UNC13C: variants seen among roughly 807,000 people sequenced by gnomAD.
The protein encoded by UNC13C is protein unc-13 homolog C.
A neutral mutation model predicts 245.4 loss-of-function variants in UNC13C; 174 were observed. The observed-to-expected ratio is 0.71, with a 90% CI of 0.63 to 0.80. The LOEUF (loss-of-function observed/expected upper bound fraction) is 0.80, where lower values mean the gene tolerates loss of function less well. Ranked by LOEUF, UNC13C falls within the 30% of genes least tolerant of loss-of-function variation. The pLI, the probability that UNC13C is intolerant of heterozygous loss-of-function variation, is 0.00. For missense variants in UNC13C, 2,829 were observed against 2,602.9 expected, an observed-to-expected ratio of 1.09 and a Z score of -1.89; for synonymous variants, 992 against 895.1, an observed-to-expected ratio of 1.11 and a Z score of -1.93.
At chr15:54,610,510 CTT>C (rs1237123055) in intron 30 of UNC13C, among the ~76,000 whole-genome samples, 1 of 152,012 alleles carries the variant, frequency 6.6e-6, no homozygotes, top group African/African-American at 2.4e-5. Context: ...TCATATGTGT[CTT>C]TGTGTATTTG....
rs1425575027 is a variant in UNC13C at position 54,338,431 on chromosome 15, C to G, written c.4655C>G (p.Ser1552Cys). Reference protein sequence around the residue: ...VKDCVRACLDSTYKYIFDNCH... With the variant: ...VKDCVRACLDCTYKYIFDNCH... ...GACTGTGTAAGGGCTTGCCTGGATT[C>G]TACATACAAGTATATTTTTGACAAC... The change falls in exon 17 of 33, where the codon TCT (serine) becomes TGT (cysteine). Residue 1552 changes from serine to cysteine, a missense_variant. Ser to Cys is a moderately radical substitution (Grantham distance 112). Transcript: ENST00000260323. 1 of 1,613,746 alleles carries G rather than the reference C, an allele frequency of 6.2e-7. No individual in the cohort carries two copies. Among genetic ancestry groups the G allele is most frequent in the Non-Finnish European group, 8.5e-7 (1 of 1,179,814 alleles).
At position 54,014,706 on chromosome 15, in the gene UNC13C, C is replaced by A. The variant is rs775401915; in HGVS notation, c.1803C>A (p.Pro601=). ...GAACAGCGACCCTGTATGACAGTCC[C>A]AAGGACCAGCATTTGAATGGAGGTG... ...QEGTATLYDS[P]KDQHLNGGVQ... Residue 601 remains proline, a synonymous_variant, in exon 2 of 33, where the codon CCC becomes CCA. Coordinates refer to ENST00000260323, the MANE Select transcript of UNC13C (RefSeq NM_001080534.3). 29 of 1,613,670 alleles carry A rather than the reference C, an allele frequency of 1.8e-5. No individual in the cohort carries two copies. Among genetic ancestry groups the A allele is most frequent in the Non-Finnish European group, 2.5e-5 (29 of 1,179,848 alleles).
chr15:53,886,813 G>T, the UNC13C span, among the ~76,000 whole-genome samples: 8 of 152,206 alleles, frequency 5.3e-5, no homozygotes, highest in African/African-American at 1.9e-4. Context: ...TCATGAAATT[G>T]ACACTTTACC....
chr15:54,627,046 G>C lies in UNC13C; in HGVS notation c.6578G>C (p.Ser2193Thr). 1 of 1,613,274 alleles carries C rather than the reference G, an allele frequency of 6.2e-7. No individual in the cohort carries two copies. Among genetic ancestry groups the C allele is most frequent in the Non-Finnish European group, 8.5e-7 (1 of 1,179,506 alleles). The change falls in exon 33 of 33, where the codon AGT (serine) becomes ACT (threonine). Residue 2193 changes from serine (S) to threonine (T), a missense_variant. Transcript: ENST00000260323. The part of the protein sequence containing the change: ...TILRILSQRT[S>T]DDVAKEFVRL... ...CTTAGAATACTCTCTCAGAGGACCA[G>C]TGATGATGTGGCTAAAGAATTTGTA... is the stretch of plus-strand genomic sequence containing the variant.
intron 4 of UNC13C, among the ~76,000 whole-genome samples, chr15:54,180,650 C>T (rs1262022671): frequency 6.6e-6 from 1 of 152,048 alleles, no homozygotes; most frequent in Non-Finnish European, 1.5e-5. Context: ...TCTGCATCCT[C>T]ACCAGCATCT....
At chr15:54,451,216 GT>G (rs1891157146) in intron 19 of UNC13C, among the ~76,000 whole-genome samples, 1 of 152,030 alleles carries the variant, frequency 6.6e-6, no homozygotes, top group Non-Finnish European at 1.5e-5. Context: ...AATTACCTCA[GT>G]TTTTGCTTGT....
intron 30 of UNC13C, among the ~76,000 whole-genome samples, chr15:54,610,139 A>T (rs1900003973): frequency 6.6e-6 from 1 of 152,170 alleles, no homozygotes; most frequent in South Asian, 2.1e-4. Flanking sequence ...TATCTTATAT[A>T]CAAAAGAGTT....
At chr15:54,166,304 A>C (rs1897052) in intron 4 of UNC13C, among the ~76,000 whole-genome samples, 28,729 of 152,048 alleles carry the variant, frequency 0.19, 2,901 homozygotes, top group South Asian at 0.27. Context: ...AATTTATTTG[A>C]ATGTATGATA....
At chr15:54,190,068 G>C (rs1273706744) in intron 4 of UNC13C, among the ~76,000 whole-genome samples, 6 of 152,066 alleles carry the variant, frequency 3.9e-5, no homozygotes, top group Admixed American at 6.6e-5. Context: ...TCTTAGTACA[G>C]GTTTCTAAGG....
At chr15:54,305,176 A>G (rs534890060) in intron 13 of UNC13C, among the ~76,000 whole-genome samples, 3 of 152,260 alleles carry the variant, frequency 2.0e-5, no homozygotes, top group Admixed American at 6.5e-5. Flanking sequence ...GAAGCTGTTT[A>G]TCAGAATTAC....
chr15:54,252,712 A>C (rs912021172), intron 8 of UNC13C, among the ~76,000 whole-genome samples: 6 of 152,196 alleles, frequency 3.9e-5, no homozygotes, highest in African/African-American at 1.4e-4. Flanking sequence ...GCCAACACTG[A>C]AGAAAAGGAA....
chr15:54,582,275 T>A (rs1294958872), intron 30 of UNC13C, among the ~76,000 whole-genome samples: 1 of 152,144 alleles, frequency 6.6e-6, no homozygotes, highest in African/African-American at 2.4e-5. Flanking sequence ...AGGTAACTTG[T>A]AGATCTGTGC....
chr15:54,294,920 A>G (rs1000128051), intron 11 of UNC13C, among the ~76,000 whole-genome samples: 2 of 152,242 alleles, frequency 1.3e-5, no homozygotes, highest in African/African-American at 4.8e-5. Flanking sequence ...TAATGAAATA[A>G]TTGACAAATG....
At chr15:53,982,126 C>A (rs1170104496) in intron 1 of UNC13C, among the ~76,000 whole-genome samples, 1 of 152,078 alleles carries the variant, frequency 6.6e-6, no homozygotes, top group African/African-American at 2.4e-5. Context: ...GCTTCCCTTT[C>A]AAATATTTTC....
At chr15:54,381,140 G>A (rs903118234) in intron 17 of UNC13C, among the ~76,000 whole-genome samples, 1 of 152,094 alleles carries the variant, frequency 6.6e-6, no homozygotes, top group East Asian at 1.9e-4. Context: ...TTTGTGTCTG[G>A]TGTCAAATAA....
intron 19 of UNC13C, among the ~76,000 whole-genome samples, chr15:54,426,234 A>G (rs2040756466): frequency 6.6e-6 from 1 of 150,924 alleles, no homozygotes; most frequent in Non-Finnish European, 1.5e-5. Flanking sequence ...CCTCTGTCCT[A>G]GAGTCTCTTA....
chr15:53,901,628 T>A, the UNC13C span, among the ~76,000 whole-genome samples: 12 of 152,190 alleles, frequency 7.9e-5, no homozygotes, highest in Admixed American at 5.9e-4. Flanking sequence ...TGAATAATGT[T>A]GAAATTAACA....
intron 2 of UNC13C, among the ~76,000 whole-genome samples, chr15:54,071,373 C>T (rs1048845585): frequency 6.6e-6 from 1 of 152,056 alleles, no homozygotes; most frequent in Non-Finnish European, 1.5e-5. Flanking sequence ...ATAGTAAAAT[C>T]TGTAGAAGTA....
At chr15:54,624,015 AC>A (rs1900977494) in intron 32 of UNC13C, 61 bp downstream of exon 32, 1 of 1,596,852 alleles carries the variant, frequency 6.3e-7, no homozygotes, top group Non-Finnish European at 8.6e-7. Context: ...AGCTGACCTT[AC>A]TGAGGGATTT....
Sources: gnomAD v4.1 joint callset for allele counts (sites outside exome capture counted in the v4.1 genomes callset) on GRCh38, gnomAD v4.1.1 for gene constraint, MANE v1.5 for transcripts, NCBI Gene and HGNC (gene_info 2026-07-23, HGNC 2026-07-21) for gene names.